SCN2A: variants seen among roughly 807,000 people sequenced by gnomAD.
SCN2A encodes sodium voltage-gated channel alpha subunit 2, also known as sodium channel protein type 2 subunit alpha.
SCN2A carries 20 observed loss-of-function variants against 188.7 expected under a neutral mutation model. The ratio of observed to expected loss-of-function variants is 0.11; its 90% CI spans 0.07 to 0.15. SCN2A has a LOEUF of 0.15. Ranked by LOEUF, SCN2A falls within the 10% of genes least tolerant of loss-of-function variation. The pLI, the probability that SCN2A is intolerant of heterozygous loss-of-function variation, is 1.00. For synonymous variants in SCN2A, 804 were observed against 833.1 expected, an observed-to-expected ratio of 0.97 and a Z score of 0.60; for missense variants, 1,278 against 2,445.0, an observed-to-expected ratio of 0.52 and a Z score of 10.07.
intron 16 of SCN2A, among the ~76,000 whole-genome samples, chr2:165,352,529 T>A (rs1699977920): frequency 6.6e-6 from 1 of 152,204 alleles, no homozygotes; most frequent in South Asian, 2.1e-4. Flanking sequence ...AAGATTCTAC[T>A]TTTGTACTAC....
rs561478489 is a variant in SCN2A at position 165,306,030 on chromosome 2, C to T, written c.387-1818C>T. 3.3e-5 allele frequency among the ~76,000 whole-genome samples: 5 copies of T among 152,150 alleles called. No individual in the cohort carries two copies. In the South Asian group the frequency reaches 6.3e-4, roughly 19 times the overall value. ...GGAATGGGGAAGGTGTCCAGAATAC[C>T]GGTGGAGGGATTGGAAACCTCCCCA... is the stretch of plus-strand genomic sequence containing the variant. On this transcript the variant is annotated intron_variant, in intron 3 of 26. Transcript: ENST00000375437.
At chr2:165,362,306 A>C (rs1463087515) in intron 17 of SCN2A, among the ~76,000 whole-genome samples, 3 of 152,184 alleles carry the variant, frequency 2.0e-5, no homozygotes, top group Non-Finnish European at 4.4e-5. Flanking sequence ...ACTAAAATGA[A>C]AGGGAGCAAT....
At chr2:165,292,938 A>G (rs1476057250) in intron 1 of SCN2A, among the ~76,000 whole-genome samples, 1 of 152,242 alleles carries the variant, frequency 6.6e-6, no homozygotes, top group African/African-American at 2.4e-5. Context: ...CTTCACTATG[A>G]TATTAATTGA....
At chr2:165,374,058 A>C (rs1701185825) in intron 21 of SCN2A, among the ~76,000 whole-genome samples, 1 of 152,158 alleles carries the variant, frequency 6.6e-6, no homozygotes, top group South Asian at 2.1e-4. Context: ...TTTCTAACTA[A>C]GAAAATAGTT....
At chr2:165,355,280 T>C (rs772143272) in intron 17 of SCN2A, among the ~76,000 whole-genome samples, 5 of 152,182 alleles carry the variant, frequency 3.3e-5, no homozygotes, top group Admixed American at 6.5e-5. Flanking sequence ...AGCTCAGTGT[T>C]CACTGTTTAA....
Position 165,296,975 on chromosome 2 carries a change from A to G in SCN2A, c.268-42A>G, listed in dbSNP as rs749533054. ...TTTTCTCTTAAAATATTCTTAATAT[A>G]TATTCTAAGTTTTATTTTATGTGTT... On this transcript the variant is annotated intron_variant, in intron 2 of 26. Transcript: ENST00000375437. 3.0e-6 allele frequency: 3 copies of G among 996,966 alleles called. No homozygotes were observed. In the South Asian group the frequency reaches 4.2e-5, roughly 14 times the overall value. 61.8% of individuals were successfully genotyped at this position (996,966 alleles called of 1,614,324 possible). A position where few individuals can be genotyped will look rare whatever the true frequency, so the allele number is the denominator to read the frequency against.
At chr2:165,306,294 T>C (rs917533567) in intron 3 of SCN2A, among the ~76,000 whole-genome samples, 7 of 152,124 alleles carry the variant, frequency 4.6e-5, no homozygotes, top group Admixed American at 2.0e-4. Context: ...AATACAGGAC[T>C]GTGTTGAGGA....
chr2:165,344,519 G>A (rs760071373), intron 15 of SCN2A, 36 bp from the exon 16 acceptor site: 5 of 1,337,348 alleles, frequency 3.7e-6, no homozygotes, highest in Non-Finnish European at 4.0e-6. Context: ...TTTTAGAAAT[G>A]CAGAGCATTA....
At chr2:165,365,594 G>T (rs1035611865) in intron 18 of SCN2A, among the ~76,000 whole-genome samples, 1 of 151,972 alleles carries the variant, frequency 6.6e-6, no homozygotes, top group Non-Finnish European at 1.5e-5. Context: ...TCTTACAGGA[G>T]AGAAAGCCAA....
chr2:165,248,992 T>G (rs1693978023), intron 1 of SCN2A, among the ~76,000 whole-genome samples: 1 of 152,142 alleles, frequency 6.6e-6, no homozygotes, highest in African/African-American at 2.4e-5. Flanking sequence ...CATATTAGTG[T>G]TATAAAATCA....
rs953571957 is a variant in SCN2A at position 165,354,044 on chromosome 2, A to C, written c.2920-148A>C. ...TTGACCAAGCATTTTTATTTCATTC[A>C]CTTTTTTTCAGAATAGTGTATCATG... is the stretch of plus-strand genomic sequence containing the variant. On this transcript the variant is annotated intron_variant, in intron 16 of 26. Transcript: ENST00000375437. The C allele has an allele frequency of 4.1e-6, 4 of 973,640 alleles. No homozygotes were observed. The Admixed American group carries it at 7.6e-5, about 19-fold the overall frequency. The allele number at this position is 973,640 out of a possible 1,614,324, so 60.3% of individuals were successfully genotyped here. A position where few individuals can be genotyped will look rare whatever the true frequency, so the allele number is the denominator to read the frequency against.
intron 1 of SCN2A, among the ~76,000 whole-genome samples, chr2:165,256,390 T>G (rs1001531393): frequency 6.6e-6 from 1 of 152,202 alleles, no homozygotes; most frequent in East Asian, 1.9e-4. Context: ...TTCTTGAGAT[T>G]AGAATTCGTT....
chr2:165,361,133 A>C (rs557253862), intron 17 of SCN2A, among the ~76,000 whole-genome samples: 1 of 152,120 alleles, frequency 6.6e-6, no homozygotes, highest in South Asian at 2.1e-4. Flanking sequence ...ATGTAATTTT[A>C]AGAAAGTCAT....
chr2:165,301,187 T>G (rs559640086), intron 3 of SCN2A, among the ~76,000 whole-genome samples: 1 of 152,118 alleles, frequency 6.6e-6, no homozygotes, highest in African/African-American at 2.4e-5. Flanking sequence ...AAGATCAAGA[T>G]CTTGGTTTTG....
At chr2:165,309,110 C>T (rs769322683) in intron 5 of SCN2A, 5 of 1,579,742 alleles carry the variant, frequency 3.2e-6, no homozygotes, top group Non-Finnish European at 4.3e-6. Flanking sequence ...TGATGAAAGA[C>T]CAAGGAAGAC....
chr2:165,384,670 A>C (rs1394434690), intron 25 of SCN2A, among the ~76,000 whole-genome samples: 1 of 152,146 alleles, frequency 6.6e-6, no homozygotes, highest in Non-Finnish European at 1.5e-5. Flanking sequence ...AAGGGAAAGA[A>C]AACTAAAATT....
At chr2:165,322,010 A>G (rs527437668) in intron 11 of SCN2A, among the ~76,000 whole-genome samples, 2 of 152,218 alleles carry the variant, frequency 1.3e-5, no homozygotes, top group Non-Finnish European at 2.9e-5. Context: ...AAGAGAATGT[A>G]TTAGATGATA....
intron 1 of SCN2A, among the ~76,000 whole-genome samples, chr2:165,242,888 T>C (rs1693682264): frequency 6.6e-6 from 1 of 152,164 alleles, no homozygotes; most frequent in African/African-American, 2.4e-5. Flanking sequence ...GGTGGCCTGT[T>C]TTTCGAAATT....
At chr2:165,338,786 A>G (rs375443480) in intron 14 of SCN2A, among the ~76,000 whole-genome samples, 10 of 152,306 alleles carry the variant, frequency 6.6e-5, no homozygotes, top group Admixed American at 2.0e-4. Context: ...TATTACCTCT[A>G]AAAGAATAAA....
Sources: gnomAD v4.1 joint callset for allele counts (sites outside exome capture counted in the v4.1 genomes callset) on GRCh38, gnomAD v4.1.1 for gene constraint, MANE v1.5 for transcripts, NCBI Gene and HGNC (gene_info 2026-07-23, HGNC 2026-07-21) for gene names.